Variants in PMEL observed in about 807,000 individuals in gnomAD.
PMEL encodes premelanosome protein.
In PMEL, 53 loss-of-function variants were observed where a neutral mutation model predicts 64.9. That is an observed-to-expected ratio of 0.82 (90% CI 0.66 to 1.03). PMEL has a LOEUF of 1.03. Ranked by LOEUF, PMEL falls within the 50% of genes least tolerant of loss-of-function variation. The pLI, the probability that PMEL is intolerant of heterozygous loss-of-function variation, is 0.00. For synonymous variants in PMEL, 299 were observed against 316.2 expected (o/e 0.95, Z 0.58); for missense variants, 716 against 814.9 (o/e 0.88, Z 1.48).
chr12:55,957,331 A>G lies in PMEL; in HGVS notation c.972T>C (p.Ala324=). Residue 324 remains alanine (A), a synonymous_variant, in exon 6 of 11, where the codon GCT becomes GCC. Transcript: ENST00000548747. ...RPTAEAPNTT[A]GQVPTTEVVG... ...CAACTTCTGTAGTAGGCACTTGGCCAGCTGTGGTGTTAGGGGCCTCTGCAG... is the reference window on the plus strand; with the variant it reads ...CAACTTCTGTAGTAGGCACTTGGCCGGCTGTGGTGTTAGGGGCCTCTGCAG... The G allele has an allele frequency of 1.2e-6, 2 of 1,600,850 alleles. No individual in the cohort carries two copies. Among genetic ancestry groups the G allele is most frequent in the South Asian group, 1.1e-5 (1 of 89,570 alleles).
Position 55,958,585 on chromosome 12 carries a change from C to T in PMEL, c.357G>A (p.Gln119=). ...IINGSQVWGG[Q]PVYPQETDDA... ...CGTCAGTTTCCTGGGGATACACTGG[C>T]TGTCCTCCCCACACCTGGCTCCCTG... The change falls in exon 4 of 11, where the codon CAG becomes CAA. Residue 119 remains glutamine, a synonymous_variant. Coordinates refer to ENST00000548747, the MANE Select transcript of PMEL (RefSeq NM_001384361.1). 1 of 1,614,066 alleles carries T rather than the reference C, an allele frequency of 6.2e-7. No homozygotes were observed. Among genetic ancestry groups the T allele is most frequent in the Non-Finnish European group, 8.5e-7 (1 of 1,179,950 alleles).
At chr12:55,965,847 C>T (rs754952529) in intron 1 of PMEL, 89 bp downstream of exon 1, 6 of 1,485,006 alleles carry the variant, frequency 4.0e-6, no homozygotes, top group East Asian at 2.3e-5. Flanking sequence ...GAAATATTGC[C>T]GCTATCTCCC....
In PMEL at chr12:55,955,815, C is replaced by A; in HGVS notation, c.1520G>T (p.Gly507Val). The A allele has an allele frequency of 6.2e-7, 1 of 1,614,130 alleles. No individual in the cohort carries two copies. Among genetic ancestry groups the A allele is most frequent in the East Asian group, 2.2e-5 (1 of 44,876 alleles). Reference sequence around the variant, plus strand: ...GGACACAGTCAGCTCAAATGCATCCCCCTCACCGGACGGCACAGCCTGCAG... The same window carrying A: ...GGACACAGTCAGCTCAAATGCATCCACCTCACCGGACGGCACAGCCTGCAG... Reference protein sequence around the residue: ...EILQAVPSGEGDAFELTVSCQ... With the variant: ...EILQAVPSGEVDAFELTVSCQ... Residue 507 changes from glycine to valine, a missense_variant, in exon 8 of 11, where the codon GGG becomes GTG. Gly to Val is a moderately radical substitution (Grantham distance 109, BLOSUM62 -3). Transcript: ENST00000548747.
In PMEL at chr12:55,958,581, C is replaced by T. The variant is rs1361351156; in HGVS notation, c.361G>A (p.Val121Met). 3 of 1,614,092 alleles carry T rather than the reference C, an allele frequency of 1.9e-6. No individual in the cohort carries two copies. Among genetic ancestry groups the T allele is most frequent in the Non-Finnish European group, 2.5e-6 (3 of 1,179,950 alleles). Reference sequence around the variant, plus strand: ...GCATCGTCAGTTTCCTGGGGATACACTGGCTGTCCTCCCCACACCTGGCTC... The same window carrying T: ...GCATCGTCAGTTTCCTGGGGATACATTGGCTGTCCTCCCCACACCTGGCTC... ...NGSQVWGGQP[V>M]YPQETDDACI... Residue 121 changes from valine (V) to methionine (M), a missense_variant, in exon 4 of 11, where the codon GTG becomes ATG. Coordinates refer to ENST00000548747, the MANE Select transcript of PMEL (RefSeq NM_001384361.1).
chr12:55,965,798 G>T, intron 1 of PMEL, 138 bp downstream of exon 1: 1 of 1,005,752 alleles, frequency 9.9e-7, no homozygotes, highest in Non-Finnish European at 1.5e-6. Flanking sequence ...GAGCCCAGGT[G>T]CCCACATCCT....
intron 1 of PMEL, among the ~76,000 whole-genome samples, chr12:55,964,772 C>T (rs1303028776): frequency 4.0e-5 from 6 of 151,330 alleles, no homozygotes; most frequent in East Asian, 1.9e-4. Flanking sequence ...ATTACAGGTG[C>T]GTACCACCAT....
At position 55,955,420 on chromosome 12, in the gene PMEL, C is replaced by G. The variant is rs746632838; in HGVS notation, c.1762+44G>C. 4 of 1,612,746 alleles carry G rather than the reference C, an allele frequency of 2.5e-6. No individual in the cohort carries two copies. The Admixed American group carries it at 6.7e-5, about 27-fold the overall frequency. ...GTGTCTGCTGCTTGCCAGCTGCCCT[C>G]TATCCACTCCCTTCCTCATCTTAGC... On this transcript the variant is annotated intron_variant, in intron 9 of 10. Transcript: ENST00000548747.
upstream of PMEL, chr12:55,966,212 G>T: frequency 2.6e-6 from 2 of 773,506 alleles, no homozygotes; most frequent in Non-Finnish European, 4.0e-6. Flanking sequence ...CTCAATGACA[G>T]TTTCTGGTTT....
intron 1 of PMEL, among the ~76,000 whole-genome samples, chr12:55,964,149 ATTT>A (rs61298793): frequency 7.4e-5 from 10 of 135,506 alleles, no homozygotes; most frequent in Non-Finnish European, 6.4e-5. Context: ...AGCCTGGCTA[ATTT>A]TTTTTTTTTT....
At chr12:55,960,883 G>A (rs1272131116) in intron 3 of PMEL, among the ~76,000 whole-genome samples, 1 of 147,908 alleles carries the variant, frequency 6.8e-6, no homozygotes, top group Non-Finnish European at 1.5e-5. Context: ...CAATGAGTAT[G>A]TATTACACAT....
intron 4 of PMEL, 67 bp downstream of exon 4, chr12:55,958,405 AG>A: frequency 1.4e-6 from 2 of 1,481,438 alleles, no homozygotes; most frequent in Non-Finnish European, 1.8e-6. Context: ...GGCGGCCAAA[AG>A]AAAGGTGATC....
At chr12:55,965,232 C>A (rs531582813) in intron 1 of PMEL, among the ~76,000 whole-genome samples, 1 of 152,148 alleles carries the variant, frequency 6.6e-6, no homozygotes, top group Non-Finnish European at 1.5e-5. Context: ...CGGCCTCATT[C>A]CCTTTCTAAT....
At chr12:55,960,222 A>AAAG (rs1555193398) in intron 3 of PMEL, among the ~76,000 whole-genome samples, 8 of 146,122 alleles carry the variant, frequency 5.5e-5, no homozygotes, top group African/African-American at 2.0e-4. Flanking sequence ...AAAAAAAAAA[A>AAAG]AAAGAAAAGA....
rs1444218995 is a variant in PMEL at position 55,956,166 on chromosome 12, G to A, written c.1408C>T (p.Gln470Ter). ...TACAGAACACAATCCAGGGGGACTTGTCTCTTCACCAGCCTTAAGGTGGCT... is the reference window on the plus strand; with the variant it reads ...TACAGAACACAATCCAGGGGGACTTATCTCTTCACCAGCCTTAAGGTGGCT... ...GTATLRLVKR[Q>*]VPLDCVLYRY... The change falls in exon 7 of 11, where the codon CAA becomes TAA. Residue 470 changes from glutamine to a stop codon, truncating the protein, a stop_gained. Transcript: ENST00000548747. LOFTEE classifies it high-confidence loss of function. 6.2e-7 allele frequency: 1 copy of A among 1,614,130 alleles called. No homozygotes were observed. The highest frequency in any genetic ancestry group is 1.7e-5 in the Admixed American group (1 of 60,030).
rs1486952258 is a variant in PMEL, at chr12:55,965,936, C to CT, written c.75dup (p.Val26SerfsTer34). On this transcript the variant is annotated frameshift_variant and splice_region_variant, in exon 1 of 11. Transcript: ENST00000548747. LOFTEE classifies it high-confidence loss of function. ...CTCATGTCCACATATCCACACATACCTTTTGTAGCCCCCACAGCCAGCAAA... is the reference window on the plus strand; with the variant it reads ...CTCATGTCCACATATCCACACATACCTTTTTGTAGCCCCCACAGCCAGCAAA... 1 of 1,614,074 alleles carries CT rather than the reference C, an allele frequency of 6.2e-7. No homozygotes were observed. Among genetic ancestry groups the CT allele is most frequent in the African/African-American group, 1.3e-5 (1 of 74,922 alleles).
intron 8 of PMEL, 40 bp downstream of exon 8, chr12:55,955,739 G>A (rs972073088): frequency 6.2e-7 from 1 of 1,608,694 alleles, no homozygotes; most frequent in Non-Finnish European, 8.5e-7. Flanking sequence ...CGGAGAAACA[G>A]TCAACCAAAG....
At chr12:55,963,816 C>T (rs1212269312) in intron 1 of PMEL, among the ~76,000 whole-genome samples, 2 of 152,192 alleles carry the variant, frequency 1.3e-5, no homozygotes, top group Admixed American at 6.5e-5. Flanking sequence ...GTATGTATTT[C>T]AGCACAGCAG....
chr12:55,961,514 A>C (rs1286650277), intron 2 of PMEL, 51 bp from the exon 3 acceptor site: 1 of 1,608,092 alleles, frequency 6.2e-7, no homozygotes, highest in Admixed American at 1.7e-5. Flanking sequence ...CCCTCCCTGT[A>C]TACGTTTCCC....
chr12:55,962,448 C>CAAAAA (rs1197796228), intron 1 of PMEL, among the ~76,000 whole-genome samples: 5 of 37,504 alleles, frequency 1.3e-4, no homozygotes, highest in Non-Finnish European at 2.7e-4. Flanking sequence ...GACTCCATCT[C>CAAAAA]AAAAAAAAAA....
Sources: gnomAD v4.1 joint callset for allele counts (sites outside exome capture counted in the v4.1 genomes callset) on GRCh38, gnomAD v4.1.1 for gene constraint, MANE v1.5 for transcripts, NCBI Gene and HGNC (gene_info 2026-07-23, HGNC 2026-07-21) for gene names.